The following SPEF2 variants were observed in gnomAD, a reference collection of about 807,000 sequenced individuals.
The protein encoded by SPEF2 is sperm flagellar and cilia associated 2.
In SPEF2, 187 loss-of-function variants were observed where a neutral mutation model predicts 224.6. The ratio of observed to expected loss-of-function variants is 0.83; its 90% confidence interval spans 0.74 to 0.94. SPEF2 has a LOEUF of 0.94. Among genes scored for constraint, SPEF2 ranks in the 40% least tolerant of loss-of-function variants. SPEF2 has a pLI of 0.00. For synonymous variants in SPEF2, 715 were observed against 707.3 expected (o/e 1.01, Z -0.17); for missense variants, 2,170 against 2,135.6 (o/e 1.02, Z -0.32).
intron 34 of SPEF2, among the ~76,000 whole-genome samples, chr5:35,806,289 A>T (rs1230985907): frequency 6.6e-6 from 1 of 152,206 alleles, no homozygotes; most frequent in Non-Finnish European, 1.5e-5. Flanking sequence ...GTCCAAAGAA[A>T]TGTTTCTGAA....
chr5:35,630,001 C>A (rs1744855808), intron 2 of SPEF2, among the ~76,000 whole-genome samples: 1 of 152,110 alleles, frequency 6.6e-6, no homozygotes, highest in Non-Finnish European at 1.5e-5. Flanking sequence ...GGTTCCTGGA[C>A]CCTCTACAGA....
intron 20 of SPEF2, among the ~76,000 whole-genome samples, chr5:35,719,313 T>C (rs1036756719): frequency 6.6e-6 from 1 of 152,202 alleles, no homozygotes; most frequent in Non-Finnish European, 1.5e-5. Flanking sequence ...TTTTGAAACA[T>C]GATTTCTCTC....
At chr5:35,686,066 T>G (rs1753568623) in intron 10 of SPEF2, among the ~76,000 whole-genome samples, 1 of 152,058 alleles carries the variant, frequency 6.6e-6, no homozygotes, top group Non-Finnish European at 1.5e-5. Context: ...TCCCTGATCT[T>G]TGGACTGAAA....
At position 35,660,988 on chromosome 5, in the gene SPEF2, C is replaced by G. The variant is rs80325543; in HGVS notation, c.1167+1781C>G. On this transcript the variant is annotated intron_variant, in intron 8 of 36. Coordinates refer to ENST00000356031, the MANE Select transcript of SPEF2 (RefSeq NM_024867.4). ...TTCCAACAGCGGAGCTATCTAGTTC[C>G]TTGGCATCTCTCCCTTAGAGATGGT... 3.9e-3 allele frequency among the ~76,000 whole-genome samples: 600 copies of G among 152,028 alleles called. 24 individuals carry two copies. The East Asian group carries it at 0.091, about 23-fold the overall frequency.
intron 33 of SPEF2, 72 bp downstream of exon 33, chr5:35,795,867 T>C (rs928874401): frequency 8.1e-6 from 11 of 1,362,790 alleles, no homozygotes; most frequent in Middle Eastern, 1.8e-4. Context: ...CTTCCACTTA[T>C]GTAACTTGGC....
At position 35,807,189 on chromosome 5, in the gene SPEF2, C is replaced by G. The variant is rs1301286751; in HGVS notation, c.5315C>G (p.Ala1772Gly). 6.2e-7 allele frequency: 1 copy of G among 1,613,968 alleles called. No individual in the cohort carries two copies. Among genetic ancestry groups the G allele is most frequent in the Non-Finnish European group, 8.5e-7 (1 of 1,179,994 alleles). Residue 1772 changes from alanine to glycine, a missense_variant, in exon 36 of 37, where the codon GCT becomes GGT. Coordinates refer to ENST00000356031, the MANE Select transcript of SPEF2 (RefSeq NM_024867.4). Reference sequence around the variant, plus strand: ...AAGAACCTGGAGCCAATTGAAGTCGCTGTTCTCTTGAAGCATCCTTTTATT... The same window carrying G: ...AAGAACCTGGAGCCAATTGAAGTCGGTGTTCTCTTGAAGCATCCTTTTATT... ...GAKNLEPIEV[A>G]VLLKHPFIQD...
chr5:35,623,345 A>G (rs943949724), intron 1 of SPEF2, among the ~76,000 whole-genome samples: 3 of 152,170 alleles, frequency 2.0e-5, no homozygotes, highest in African/African-American at 7.2e-5. Flanking sequence ...AAATGAAAGT[A>G]AATTTTCTTG....
chr5:35,690,466 T>A (rs938120437), intron 10 of SPEF2, among the ~76,000 whole-genome samples: 9 of 152,180 alleles, frequency 5.9e-5, no homozygotes, highest in African/African-American at 1.9e-4. Context: ...TGCTTTTCCT[T>A]TTAAATACTT....
intron 8 of SPEF2, among the ~76,000 whole-genome samples, chr5:35,660,102 A>G (rs1243958054): frequency 3.3e-5 from 5 of 152,060 alleles, no homozygotes; most frequent in Non-Finnish European, 5.9e-5. Flanking sequence ...AAAATATCCA[A>G]TCTTTTAATT....
Position 35,654,611 on chromosome 5 carries a change from A to T in SPEF2, c.863A>T (p.Glu288Val). ...TDLLNTYSDD[E>V]YIKKIQKRLE... is the part of the protein sequence containing the mutation. ...TTGTTAAATACTTACTCAGATGACGAGTACATTAAAAAAATCCAGAAGCGC... is the reference window on the plus strand; with the variant it reads ...TTGTTAAATACTTACTCAGATGACGTGTACATTAAAAAAATCCAGAAGCGC... The change falls in exon 7 of 37, where the codon GAG becomes GTG. Residue 288 changes from glutamate (E) to valine (V), a missense_variant. Glu to Val is a moderately radical substitution (Grantham distance 121, BLOSUM62 -2). Coordinates refer to ENST00000356031, the MANE Select transcript of SPEF2 (RefSeq NM_024867.4). 6.2e-7 allele frequency: 1 copy of T among 1,613,916 alleles called. No individual in the cohort carries two copies. The highest frequency in any genetic ancestry group is 8.5e-7 in the Non-Finnish European group (1 of 1,179,952).
At chr5:35,693,867 T>C (rs1268810613) in intron 12 of SPEF2, among the ~76,000 whole-genome samples, 1 of 152,234 alleles carries the variant, frequency 6.6e-6, no homozygotes, top group African/African-American at 2.4e-5. Context: ...TTGTAATATC[T>C]TTATATTTTA....
chr5:35,675,525 A>T (rs1297623772), intron 10 of SPEF2: 6 of 147,256 alleles, frequency 4.1e-5, no homozygotes, highest in South Asian at 2.0e-4. Flanking sequence ...GTTGGTTAGG[A>T]TTCCTTTTTT....
At chr5:35,663,984 A>G (rs1400979915) in intron 8 of SPEF2, among the ~76,000 whole-genome samples, 1 of 152,000 alleles carries the variant, frequency 6.6e-6, no homozygotes, top group Non-Finnish European at 1.5e-5. Context: ...CTTCATTTTC[A>G]TTGCCTGGGT....
intron 16 of SPEF2, among the ~76,000 whole-genome samples, chr5:35,701,200 A>T (rs770003516): frequency 5.9e-5 from 9 of 152,204 alleles, no homozygotes; most frequent in Non-Finnish European, 1.3e-4. Flanking sequence ...AAAACTTCAC[A>T]TGATGGGTGA....
At chr5:35,670,721 T>G (rs1751126969) in intron 10 of SPEF2, 1 of 985,670 alleles carries the variant, frequency 1.0e-6, no homozygotes, top group African/African-American at 1.7e-5. Flanking sequence ...CCAACTGTGA[T>G]TTTTAGAAGA....
At chr5:35,667,424 C>T (rs964270823) in intron 9 of SPEF2, among the ~76,000 whole-genome samples, 165 bp downstream of exon 9, 8 of 152,112 alleles carry the variant, frequency 5.3e-5, no homozygotes, top group African/African-American at 1.9e-4. Flanking sequence ...GATTTACTCA[C>T]TGACTATTTT....
chr5:35,646,034 C>T (rs1457480690), intron 4 of SPEF2, among the ~76,000 whole-genome samples: 2 of 152,004 alleles, frequency 1.3e-5, no homozygotes, highest in Admixed American at 6.6e-5. Context: ...TTTTAAAATA[C>T]TTTATCTGAT....
chr5:35,787,888 G>T, intron 30 of SPEF2: 1 of 606,358 alleles, frequency 1.6e-6, no homozygotes, highest in South Asian at 2.0e-5. Context: ...CGGATGGTGT[G>T]AATAGAGTCA....
At chr5:35,640,686 A>T (rs1746509255) in intron 2 of SPEF2, among the ~76,000 whole-genome samples, 1 of 152,116 alleles carries the variant, frequency 6.6e-6, no homozygotes, top group Admixed American at 6.6e-5. Context: ...AAAATATTTT[A>T]TTTGAAGTTT....
Sources: gnomAD v4.1 joint callset for allele counts (sites outside exome capture counted in the v4.1 genomes callset) on GRCh38, gnomAD v4.1.1 for gene constraint, MANE v1.5 for transcripts, NCBI Gene and HGNC (gene_info 2026-07-23, HGNC 2026-07-21) for gene names.